SIK3: variants seen among roughly 807,000 people sequenced by gnomAD.
The protein encoded by SIK3 is SIK family kinase 3.
In SIK3, 28 loss-of-function variants were observed where a neutral mutation model predicts 144.2. The observed-to-expected ratio is 0.19, with a 90% CI of 0.14 to 0.27. The LOEUF (loss-of-function observed/expected upper bound fraction) is 0.27. Ranked by LOEUF, SIK3 falls within the 10% of genes least tolerant of loss-of-function variation. The pLI, the probability that SIK3 is intolerant of heterozygous loss-of-function variation, is 1.00. For synonymous variants in SIK3, 686 were observed against 676.3 expected, an observed-to-expected ratio of 1.01 and a Z score of -0.22; for missense variants, 1,319 against 1,776.0, an observed-to-expected ratio of 0.74 and a Z score of 4.62.
rs549476396 is a variant in SIK3, at chr11:116,905,465, T to C, written c.617-8148A>G. ...TATGGTTTCATTTCTCTTGGATATATACCTGGGAGTGGAACTGCTGGGTCA... is the reference window on the plus strand; with the variant it reads ...TATGGTTTCATTTCTCTTGGATATACACCTGGGAGTGGAACTGCTGGGTCA... On this transcript the variant is annotated intron_variant, in intron 4 of 24. Transcript: ENST00000445177. 9.8e-5 allele frequency among the ~76,000 whole-genome samples: 15 copies of C among 152,344 alleles called. No individual in the cohort carries two copies. In the East Asian group the frequency reaches 2.7e-3, roughly 27 times the overall value.
chr11:116,870,023 G>A (rs1211265736), intron 14 of SIK3: 1 of 1,058,040 alleles, frequency 9.5e-7, no homozygotes, highest in Admixed American at 2.4e-5. Flanking sequence ...CAGGCTTTGT[G>A]CCTTGTGAAT....
At chr11:117,076,770 T>C (rs1954560731) in intron 1 of SIK3, among the ~76,000 whole-genome samples, 1 of 152,142 alleles carries the variant, frequency 6.6e-6, no homozygotes, top group Admixed American at 6.5e-5. Context: ...CTTGAACTCC[T>C]GACCTCATGA....
At chr11:117,005,355 A>T (rs1391295643) in intron 1 of SIK3, among the ~76,000 whole-genome samples, 1 of 149,890 alleles carries the variant, frequency 6.7e-6, no homozygotes, top group African/African-American at 2.4e-5. Context: ...AAAAAAAAAA[A>T]AAAAAAGATA....
chr11:116,854,680 C>A (rs141691354), intron 21 of SIK3, among the ~76,000 whole-genome samples: 1 of 152,190 alleles, frequency 6.6e-6, no homozygotes, highest in Non-Finnish European at 1.5e-5. Flanking sequence ...TGAGCTCCCC[C>A]ACTTGCCTGC....
At chr11:116,879,785 ATAAAG>A (rs1183555232) in intron 6 of SIK3, among the ~76,000 whole-genome samples, 3 of 152,274 alleles carry the variant, frequency 2.0e-5, no homozygotes, top group Non-Finnish European at 1.5e-5. Flanking sequence ...TTCCTATAGA[ATAAAG>A]TAAATGCCAT....
chr11:117,077,922 A>C (rs962123117), intron 1 of SIK3, among the ~76,000 whole-genome samples: 26 of 152,224 alleles, frequency 1.7e-4, no homozygotes, highest in African/African-American at 5.5e-4. Flanking sequence ...CTAGCTTAAT[A>C]ATTCTAAAAT....
At position 116,846,314 on chromosome 11, in the gene SIK3, C is replaced by T. The variant is rs1941948412; in HGVS notation, c.*13+69G>A. ...GGCCACCACAACACATGGGCTGAAG[C>T]TCCTGATGGGATTGGGAGCAGGCAC... is the stretch of plus-strand genomic sequence containing the variant. On this transcript the variant is annotated intron_variant, in intron 24 of 24. Transcript: ENST00000445177. This position sits in a 1 kb window ranked among gnomAD's most constrained non-coding sequence, Gnocchi z 4.1. The T allele has an allele frequency of 6.6e-7, 1 of 1,522,082 alleles. No homozygotes were observed. Among genetic ancestry groups the T allele is most frequent in the Non-Finnish European group, 9.0e-7 (1 of 1,113,236 alleles). 94.3% of individuals were successfully genotyped at this position (1,522,082 alleles called of 1,614,324 possible). A position where few individuals can be genotyped will look rare whatever the true frequency, so the allele number is the denominator to read the frequency against.
intron 1 of SIK3, among the ~76,000 whole-genome samples, chr11:116,984,242 T>C (rs1295683451): frequency 6.6e-6 from 1 of 152,110 alleles, no homozygotes; most frequent in Non-Finnish European, 1.5e-5. Flanking sequence ...CAAACTCATA[T>C]ATCCCAGAAG....
intron 1 of SIK3, among the ~76,000 whole-genome samples, chr11:117,007,322 G>A (rs1951085974): frequency 6.6e-6 from 1 of 152,220 alleles, no homozygotes; most frequent in Non-Finnish European, 1.5e-5. Flanking sequence ...AGGTTGCAGT[G>A]AGCGAAGATC....
chr11:116,904,717 CTTTT>C (rs1339113260), intron 4 of SIK3: 1 of 151,948 alleles, frequency 6.6e-6, no homozygotes, highest in Non-Finnish European at 1.5e-5. Flanking sequence ...AAATGTTATT[CTTTT>C]TTCTTTTTAA....
chr11:116,927,411 A>G, intron 3 of SIK3, 31 bp from the exon 4 acceptor site: 1 of 1,603,374 alleles, frequency 6.2e-7, no homozygotes. Context: ...GTCAGTTTTC[A>G]TTTTGGACAC....
At chr11:116,866,664 A>T (rs1483002320) in intron 15 of SIK3, among the ~76,000 whole-genome samples, 3 of 151,896 alleles carry the variant, frequency 2.0e-5, no homozygotes, top group Non-Finnish European at 1.5e-5. Context: ...CTGGTCTCGA[A>T]CTCCTGACCT....
chr11:117,076,667 A>G (rs571699615), intron 1 of SIK3, among the ~76,000 whole-genome samples: 46 of 152,136 alleles, frequency 3.0e-4, no homozygotes, highest in African/African-American at 1.0e-3. Context: ...CTGGGATTAC[A>G]GGCACCCGCT....
At chr11:117,007,481 A>G (rs557798834) in intron 1 of SIK3, among the ~76,000 whole-genome samples, 10 of 152,336 alleles carry the variant, frequency 6.6e-5, no homozygotes, top group African/African-American at 2.4e-4. Context: ...CCCACTCCTC[A>G]CCAATTCAAA....
At position 117,032,220 on chromosome 11, in the gene SIK3, G is replaced by C. The variant is rs181502094; in HGVS notation, c.273+65923C>G. On this transcript the variant is annotated intron_variant, in intron 1 of 24. Transcript: ENST00000445177. ...CTACAAAAAATCTTCCTGGGCTTTTGATAAAAATTGCATTAAACTTGTAGA... is the reference window on the plus strand; with the variant it reads ...CTACAAAAAATCTTCCTGGGCTTTTCATAAAAATTGCATTAAACTTGTAGA... Among the ~76,000 whole-genome samples, 51 of 152,152 alleles carry C rather than the reference G, an allele frequency of 3.4e-4. No homozygotes were observed. In the East Asian group the frequency reaches 9.7e-3, roughly 29 times the overall value.
intron 1 of SIK3, among the ~76,000 whole-genome samples, chr11:117,033,905 T>G (rs1952379829): frequency 6.6e-6 from 1 of 152,114 alleles, no homozygotes; most frequent in African/African-American, 2.4e-5. Flanking sequence ...GATAACAGTA[T>G]ATGAAATGAA....
chr11:116,947,184 A>ATT (rs1303411228), intron 3 of SIK3, among the ~76,000 whole-genome samples: 39 of 121,574 alleles, frequency 3.2e-4, no homozygotes, highest in South Asian at 9.2e-4. Flanking sequence ...ATTTATATAT[A>ATT]ATATATTATA....
Position 117,098,127 on chromosome 11 carries a change from GC to G in SIK3, c.273+15del. On this transcript the variant is annotated intron_variant, in intron 1 of 24. Coordinates refer to ENST00000445177, the MANE Select transcript of SIK3 (RefSeq NM_001366686.3). ...CCCGCCACGCTCCGACTGCCGCCTG[GC>G]CCCTGCGCCGGTACCTTGGCCTTGG... 3.4e-6 allele frequency: 5 copies of G among 1,461,940 alleles called. No individual in the cohort carries two copies. Among genetic ancestry groups the G allele is most frequent in the African/African-American group, 1.5e-5 (1 of 67,832 alleles). The allele number at this position is 1,461,940 out of a possible 1,614,324, so 90.6% of individuals were successfully genotyped here.
At chr11:116,877,111 G>A (rs1446211550) in intron 6 of SIK3, 69 bp from the exon 7 acceptor site, 3 of 1,372,270 alleles carry the variant, frequency 2.2e-6, no homozygotes, top group Non-Finnish European at 3.1e-6. Context: ...GAGGAACCAG[G>A]GGCAAAGCCA....
Sources: gnomAD v4.1 joint callset for allele counts (sites outside exome capture counted in the v4.1 genomes callset) on GRCh38, gnomAD v4.1.1 for gene constraint, Gnocchi (gnomAD v3.1) non-coding constraint, MANE v1.5 for transcripts, NCBI Gene and HGNC (gene_info 2026-07-23, HGNC 2026-07-21) for gene names.